The following ITGA11 variants were observed in gnomAD, a reference collection of about 807,000 sequenced individuals.
ITGA11 encodes integrin subunit alpha 11, also known as integrin alpha-11.
Under a neutral mutation model 141.9 loss-of-function variants are expected in ITGA11, and 97 were observed. The observed-to-expected ratio is 0.68, with a 90% CI of 0.58 to 0.81. ITGA11 has a LOEUF of 0.81. Ranked by LOEUF, ITGA11 falls within the 30% of genes least tolerant of loss-of-function variation. The pLI is 0.00. For missense variants in ITGA11, 1,387 were observed against 1,559.2 expected, an observed-to-expected ratio of 0.89 and a Z score of 1.86; for synonymous variants, 658 against 624.6, an observed-to-expected ratio of 1.05 and a Z score of -0.80.
At chr15:68,306,242 G>C (rs1202692592) in intron 28 of ITGA11, among the ~76,000 whole-genome samples, 3 of 150,948 alleles carry the variant, frequency 2.0e-5, no homozygotes, top group Non-Finnish European at 4.4e-5. Context: ...GAATTTTTTG[G>C]GGGGTTGAGT....
chr15:68,340,069 T>G (rs1894510905), intron 10 of ITGA11, among the ~76,000 whole-genome samples: 1 of 152,138 alleles, frequency 6.6e-6, no homozygotes, highest in Non-Finnish European at 1.5e-5. Context: ...GTGTCTGAGT[T>G]GCTTCCCTGC....
chr15:68,390,261 A>G (rs1047856123), intron 2 of ITGA11, among the ~76,000 whole-genome samples: 11 of 152,064 alleles, frequency 7.2e-5, no homozygotes, highest in African/African-American at 2.7e-4. Context: ...TGACTGCCCC[A>G]CCAGGTCTGC....
intron 7 of ITGA11, among the ~76,000 whole-genome samples, chr15:68,354,564 T>G (rs1278942555): frequency 6.6e-6 from 1 of 152,222 alleles, no homozygotes; most frequent in Non-Finnish European, 1.5e-5. Flanking sequence ...ATGCAAATGT[T>G]CCTTGACTTT....
intron 5 of ITGA11, among the ~76,000 whole-genome samples, chr15:68,360,917 G>C (rs981304147): frequency 6.6e-6 from 1 of 150,574 alleles, no homozygotes; most frequent in Non-Finnish European, 1.5e-5. Flanking sequence ...GCCAATTCCC[G>C]AACCCTCCAT....
At chr15:68,355,436 G>C (rs1895040183) in intron 7 of ITGA11, among the ~76,000 whole-genome samples, 3 of 151,786 alleles carry the variant, frequency 2.0e-5, no homozygotes, top group Admixed American at 2.0e-4. Context: ...CTACTAAATA[G>C]TTCTTTTTTT....
intron 20 of ITGA11, among the ~76,000 whole-genome samples, chr15:68,318,136 C>T (rs758313516): frequency 2.6e-4 from 39 of 152,120 alleles, no homozygotes; most frequent in Non-Finnish European, 4.4e-4. Context: ...CAGCCATGAG[C>T]GTTTCCTGGG....
chr15:68,307,925 G>A lies in ITGA11; in HGVS notation c.3175-229C>T, dbSNP rs373360747. ...CCACTTGAAGCTGTACATTGTGACC[G>A]GCCTGGATATATTCCAGGGACAGAA... On this transcript the variant is annotated intron_variant, in intron 26 of 29. Transcript: ENST00000315757. This position sits in a 1 kb window ranked among gnomAD's most constrained non-coding sequence, Gnocchi z 6.1. 3.9e-5 allele frequency among the ~76,000 whole-genome samples: 6 copies of A among 152,238 alleles called. 1 individual carries two copies. The highest frequency in any genetic ancestry group is 4.1e-4 in the South Asian group (2 of 4,822).
Position 68,432,117 on chromosome 15 carries a change from C to A in ITGA11, c.-51G>T. The A allele has an allele frequency of 7.6e-7, 1 of 1,313,100 alleles. No homozygotes were observed. The highest frequency in any genetic ancestry group is 2.3e-5 in the South Asian group (1 of 43,510). 81.3% of individuals were successfully genotyped at this position (1,313,100 alleles called of 1,614,324 possible). On this transcript the variant is annotated 5_prime_UTR_variant, in exon 1 of 30. Transcript: ENST00000315757. ...GGTGTGCAGCGGCGGCGGGGGGCGG[C>A]AAGCCAGAGCGGCAGCCTCCTCGGC... is the stretch of plus-strand genomic sequence containing the variant.
chr15:68,306,595 A>G (rs1893205701), intron 28 of ITGA11, among the ~76,000 whole-genome samples: 1 of 152,192 alleles, frequency 6.6e-6, no homozygotes, highest in Non-Finnish European at 1.5e-5. Context: ...AGACACACCC[A>G]ACAAATGCCA....
In ITGA11 at chr15:68,361,587, T is replaced by TA; in HGVS notation, c.472+2dup. On this transcript the variant is annotated splice_region_variant and intron_variant, in intron 5 of 29. Coordinates refer to ENST00000315757, the MANE Select transcript of ITGA11 (RefSeq NM_001004439.2). ...TTGAGGTTGCAGATTTGAAGCCACT[T>TA]ACTTTGGAGAGCTGGGGCCACGGTC... is the stretch of plus-strand genomic sequence containing the variant. The TA allele has an allele frequency of 6.3e-7, 1 of 1,592,060 alleles. No individual in the cohort carries two copies. The highest frequency in any genetic ancestry group is 8.6e-7 in the Non-Finnish European group (1 of 1,167,256).
intron 2 of ITGA11, among the ~76,000 whole-genome samples, chr15:68,369,644 G>A (rs1429290252): frequency 2.0e-5 from 3 of 152,252 alleles, no homozygotes; most frequent in Middle Eastern, 3.2e-3. Flanking sequence ...TGACGAGAGA[G>A]TGGTAATGGA....
chr15:68,350,711 A>T lies in ITGA11; in HGVS notation c.966T>A (p.Ser322Arg), dbSNP rs1351405555. 1 of 1,613,972 alleles carries T rather than the reference A, an allele frequency of 6.2e-7. No individual in the cohort carries two copies. The highest frequency in any genetic ancestry group is 8.5e-7 in the Non-Finnish European group (1 of 1,179,880). The change falls in exon 9 of 30, where the codon AGT (serine) becomes AGA (arginine). Residue 322 changes from serine (S) to arginine (R), a missense_variant. Ser to Arg is a moderately radical substitution (Grantham distance 110). Transcript: ENST00000315757. Reference protein sequence around the residue: ...TFLNEIKYIASDPDDKHFFNV... With the variant: ...TFLNEIKYIARDPDDKHFFNV... ...TGAAGAAGTGCTTGTCATCAGGGTC[A>T]CTGGCGATGTATTTGATTTCATTTA... is the stretch of plus-strand genomic sequence containing the variant.
Position 68,307,801 on chromosome 15 carries a change from A to C in ITGA11, c.3175-105T>G. ...GCTCTGCTCCTGGGGGCAGGGGCAG[A>C]GGACAGGGGACAAAGAGAAAGTTGG... On this transcript the variant is annotated intron_variant, in intron 26 of 29. Transcript: ENST00000315757. The surrounding 1 kb of genome is among the most constrained non-coding windows in gnomAD (Gnocchi z 6.1). The C allele has an allele frequency of 2.8e-6, 2 of 709,054 alleles. No individual in the cohort carries two copies. Among genetic ancestry groups the C allele is most frequent in the Non-Finnish European group, 4.8e-6 (2 of 416,684 alleles). The allele number at this position is 709,054 out of a possible 1,614,324, so 43.9% of individuals were successfully genotyped here.
intron 1 of ITGA11, among the ~76,000 whole-genome samples, chr15:68,427,572 G>A (rs1897173812): frequency 6.6e-6 from 1 of 152,088 alleles, no homozygotes; most frequent in Non-Finnish European, 1.5e-5. Context: ...CCTCCAGGTG[G>A]GATTTCACAC....
At chr15:68,317,527 A>C (rs1177461469) in intron 20 of ITGA11, among the ~76,000 whole-genome samples, 164 bp from the exon 21 acceptor site, 1 of 147,600 alleles carries the variant, frequency 6.8e-6, no homozygotes, top group Non-Finnish European at 1.5e-5. Flanking sequence ...CTGAGACCCC[A>C]GAGGCCCCAG....
chr15:68,429,980 C>T (rs544988204), intron 1 of ITGA11, among the ~76,000 whole-genome samples: 1 of 152,174 alleles, frequency 6.6e-6, no homozygotes, highest in Admixed American at 6.5e-5. Context: ...TCCCTGGTGC[C>T]TCTGTTTAGC....
intron 21 of ITGA11, among the ~76,000 whole-genome samples, 154 bp downstream of exon 21, chr15:68,317,111 T>C (rs1893606746): frequency 6.6e-6 from 1 of 152,044 alleles, no homozygotes; most frequent in Non-Finnish European, 1.5e-5. Flanking sequence ...TGAATGTAAT[T>C]TTGTGGGAGA....
intron 2 of ITGA11, among the ~76,000 whole-genome samples, chr15:68,374,142 C>A (rs754929073): frequency 2.6e-5 from 4 of 152,132 alleles, no homozygotes; most frequent in Non-Finnish European, 5.9e-5. Context: ...AGATTCATAT[C>A]CCCTAGCTCA....
In ITGA11 at chr15:68,302,054, C is replaced by CTG. The variant is rs1567118335; in HGVS notation, c.*1004_*1005insCA. ...GCGGGCATGAGGGAAGGATGGGAGG[C>CTG]AGTGTGTGTGTGTGTGTGTGTGTGT... On this transcript the variant is annotated 3_prime_UTR_variant, in exon 30 of 30. Coordinates refer to ENST00000315757, the MANE Select transcript of ITGA11 (RefSeq NM_001004439.2). 2.0e-5 allele frequency: 1 copy of CTG among 51,258 alleles called. No homozygotes were observed. The highest frequency in any genetic ancestry group is 7.2e-5 in the African/African-American group (1 of 13,896). 3.2% of individuals were successfully genotyped at this position (51,258 alleles called of 1,614,324 possible).
Sources: gnomAD v4.1 joint callset for allele counts (sites outside exome capture counted in the v4.1 genomes callset) on GRCh38, gnomAD v4.1.1 for gene constraint, Gnocchi (gnomAD v3.1) non-coding constraint, MANE v1.5 for transcripts, NCBI Gene and HGNC (gene_info 2026-07-23, HGNC 2026-07-21) for gene names.